Variants in KCNJ3 observed in about 807,000 individuals in gnomAD.
KCNJ3 encodes G protein-activated inward rectifier potassium channel 1.
In KCNJ3, 4 loss-of-function variants were observed where a neutral mutation model predicts 39.2. That is an observed-to-expected ratio of 0.10 (90% CI 0.05 to 0.23). The LOEUF is 0.23. Among genes scored for constraint, KCNJ3 ranks in the 10% least tolerant of loss-of-function variants. The pLI is 1.00. For synonymous variants in KCNJ3, 230 were observed against 237.4 expected (o/e 0.97, Z 0.29); for missense variants, 276 against 634.9 (o/e 0.43, Z 6.08).
intron 2 of KCNJ3, among the ~76,000 whole-genome samples, chr2:154,809,082 A>C (rs2105099917): frequency 6.6e-6 from 1 of 152,274 alleles, no homozygotes; most frequent in Non-Finnish European, 1.5e-5. Flanking sequence ...TTGGCTAATC[A>C]GCTTGGAATA....
chr2:154,835,585 C>A (rs1347761611), intron 2 of KCNJ3, among the ~76,000 whole-genome samples: 1 of 151,082 alleles, frequency 6.6e-6, no homozygotes, highest in Non-Finnish European at 1.5e-5. Context: ...ACAACGTAAA[C>A]CTTTTCTTCA....
Position 154,817,222 on chromosome 2 carries a change from CATG to C in KCNJ3, c.920-37502_920-37500del, listed in dbSNP as rs1347373737. ...ATAACCTGTAGTCTGCAGCCTTAAT[CATG>C]ATAAGCAGTCTCAAATCACTTTATT... On this transcript the variant is annotated intron_variant, in intron 2 of 2. Transcript: ENST00000295101. Among the ~76,000 whole-genome samples the C allele has an allele frequency of 2.0e-5, 3 of 152,306 alleles. No individual in the cohort carries two copies. In the South Asian group the frequency reaches 6.2e-4, roughly 32 times the overall value.
At chr2:154,802,120 T>C (rs1367692958) in intron 2 of KCNJ3, among the ~76,000 whole-genome samples, 1 of 152,164 alleles carries the variant, frequency 6.6e-6, no homozygotes, top group Admixed American at 6.6e-5. Context: ...TATATGTTTA[T>C]ATATCTTTGG....
chr2:154,779,480 TA>T (rs1686397139), intron 2 of KCNJ3, among the ~76,000 whole-genome samples: 1 of 146,578 alleles, frequency 6.8e-6, no homozygotes, highest in South Asian at 2.1e-4. Flanking sequence ...ATATATTATA[TA>T]TATATGTTAT....
At chr2:154,781,929 G>A (rs1017242364) in intron 2 of KCNJ3, among the ~76,000 whole-genome samples, 8 of 152,124 alleles carry the variant, frequency 5.3e-5, no homozygotes, top group Non-Finnish European at 1.2e-4. Flanking sequence ...AACAAATGGC[G>A]AACTGGTCTC....
At chr2:154,709,937 T>C (rs919628572) in intron 2 of KCNJ3, 118 bp downstream of exon 2, 7 of 1,187,054 alleles carry the variant, frequency 5.9e-6, no homozygotes, top group Non-Finnish European at 8.1e-6. Context: ...ATGAAAGTAA[T>C]GATTTGCCTT....
intron 2 of KCNJ3, among the ~76,000 whole-genome samples, chr2:154,756,095 A>G (rs1685932578): frequency 6.6e-6 from 1 of 152,122 alleles, no homozygotes; most frequent in Admixed American, 6.5e-5. Context: ...TTAGATCTTT[A>G]TGTAAGCAGC....
At chr2:154,708,508 T>A (rs1475477411) in intron 1 of KCNJ3, among the ~76,000 whole-genome samples, 1 of 152,176 alleles carries the variant, frequency 6.6e-6, no homozygotes, top group Non-Finnish European at 1.5e-5. Context: ...TCTGTTAGAA[T>A]ACAATGGATT....
intron 2 of KCNJ3, among the ~76,000 whole-genome samples, chr2:154,836,496 T>C (rs947232493): frequency 5.3e-5 from 8 of 152,154 alleles, no homozygotes; most frequent in Non-Finnish European, 1.0e-4. Context: ...AGGAAACTTT[T>C]AATAATGTGA....
chr2:154,716,897 T>G (rs1052381579), intron 2 of KCNJ3, among the ~76,000 whole-genome samples: 1 of 152,238 alleles, frequency 6.6e-6, no homozygotes, highest in African/African-American at 2.4e-5. Context: ...GTTTGTTGAT[T>G]ACCCATGTTA....
chr2:154,741,962 G>A (rs1057016802), intron 2 of KCNJ3, among the ~76,000 whole-genome samples: 18 of 151,610 alleles, frequency 1.2e-4, no homozygotes, highest in African/African-American at 3.6e-4. Flanking sequence ...TCGTGCAATC[G>A]TCACTATCAT....
chr2:154,789,597 T>TA (rs753741022), intron 2 of KCNJ3, among the ~76,000 whole-genome samples: 195 of 152,072 alleles, frequency 1.3e-3, no homozygotes, highest in Non-Finnish European at 1.8e-3. Flanking sequence ...CTGGGCAAGG[T>TA]AAAAAAAGTA....
intron 2 of KCNJ3, among the ~76,000 whole-genome samples, chr2:154,842,040 C>A (rs867159824): frequency 1.3e-5 from 2 of 152,068 alleles, no homozygotes; most frequent in Admixed American, 6.5e-5. Flanking sequence ...GTTAGGGTGT[C>A]GATCTTAGAT....
At chr2:154,846,311 A>G (rs1342948140) in intron 2 of KCNJ3, among the ~76,000 whole-genome samples, 2 of 152,224 alleles carry the variant, frequency 1.3e-5, no homozygotes, top group Non-Finnish European at 2.9e-5. Flanking sequence ...GAGAAATTAA[A>G]TGATCACTAA....
intron 2 of KCNJ3, among the ~76,000 whole-genome samples, chr2:154,739,548 T>TA (rs1248986097): frequency 1.3e-5 from 2 of 152,070 alleles, no homozygotes; most frequent in Non-Finnish European, 2.9e-5. Context: ...ACCTTCGTTT[T>TA]CATGTAGCTA....
At chr2:154,765,214 T>C (rs1350331607) in intron 2 of KCNJ3, among the ~76,000 whole-genome samples, 1 of 152,180 alleles carries the variant, frequency 6.6e-6, no homozygotes, top group South Asian at 2.1e-4. Flanking sequence ...TCACCTTCGA[T>C]TGAGAACCAC....
chr2:154,814,247 A>G (rs56285446), intron 2 of KCNJ3, among the ~76,000 whole-genome samples: 44,233 of 152,122 alleles, frequency 0.29, 7,044 homozygotes, highest in Non-Finnish European at 0.35. Context: ...CACATGCAAT[A>G]CTATAAATAA....
chr2:154,738,657 A>T (rs926560310), intron 2 of KCNJ3, among the ~76,000 whole-genome samples: 2 of 152,122 alleles, frequency 1.3e-5, no homozygotes, highest in Non-Finnish European at 2.9e-5. Context: ...ACGTAAGTAT[A>T]GAATAAAGGA....
At chr2:154,808,964 A>G (rs1686962840) in intron 2 of KCNJ3, among the ~76,000 whole-genome samples, 1 of 152,174 alleles carries the variant, frequency 6.6e-6, no homozygotes, top group Non-Finnish European at 1.5e-5. Context: ...GCCCACTGCT[A>G]GGTGACCTTT....
Sources: allele counts gnomAD v4.1 joint callset (sites outside exome capture counted in the v4.1 genomes callset), GRCh38; gene constraint gnomAD v4.1.1; transcripts MANE v1.5; gene names NCBI Gene and HGNC (gene_info 2026-07-23, HGNC 2026-07-21).